The following CDC40 variants were observed in gnomAD, a reference collection of about 807,000 sequenced individuals.
CDC40 encodes pre-mRNA-processing factor 17.
Under a neutral mutation model 80.6 loss-of-function variants are expected in CDC40, and 27 were observed. The ratio of observed to expected loss-of-function variants is 0.33; its 90% confidence interval spans 0.25 to 0.46. The LOEUF (loss-of-function observed/expected upper bound fraction) is 0.46, where lower values mean the gene tolerates loss of function less well. CDC40 is among the 20% of genes least tolerant of loss of function. The pLI, the probability that CDC40 is intolerant of heterozygous loss-of-function variation, is 1.00. For synonymous variants in CDC40, 221 were observed against 232.6 expected, an observed-to-expected ratio of 0.95 and a Z score of 0.45; for missense variants, 486 against 694.1, an observed-to-expected ratio of 0.70 and a Z score of 3.37.
chr6:110,210,552 G>GAAAA (rs57785109), intron 5 of CDC40, among the ~76,000 whole-genome samples, 155 bp from the exon 6 acceptor site: 4 of 64,478 alleles, frequency 6.2e-5, no homozygotes, highest in African/African-American at 9.4e-5. Context: ...ACTCATCTCA[G>GAAAA]AAAAAAAAAA....
At chr6:110,229,909 T>G in intron 14 of CDC40, 45 bp from the exon 15 acceptor site, 1 of 1,326,574 alleles carries the variant, frequency 7.5e-7, no homozygotes, top group African/African-American at 1.5e-5. Context: ...CCTTACCAAT[T>G]TAAGGTATTT....
At chr6:110,197,101 T>A (rs1406366077) in intron 2 of CDC40, among the ~76,000 whole-genome samples, 1 of 152,178 alleles carries the variant, frequency 6.6e-6, no homozygotes, top group Non-Finnish European at 1.5e-5. Flanking sequence ...TGAAGATTTT[T>A]GAGATCCACA....
chr6:110,197,904 A>C (rs184447165), intron 2 of CDC40, among the ~76,000 whole-genome samples: 188 of 152,258 alleles, frequency 1.2e-3, no homozygotes, highest in African/African-American at 4.3e-3. Context: ...TCCTTTGGAC[A>C]TATACCCACT....
At chr6:110,222,367 G>C (rs777736374) in intron 12 of CDC40, among the ~76,000 whole-genome samples, 11 of 152,104 alleles carry the variant, frequency 7.2e-5, no homozygotes, top group Non-Finnish European at 1.6e-4. Context: ...GGCCAGCCTG[G>C]CCAACATGGT....
chr6:110,226,242 T>C lies in CDC40; in HGVS notation c.1416T>C (p.Asn472=), dbSNP rs1469507737. The change falls in exon 13 of 15, where the codon AAT becomes AAC. Residue 472 remains asparagine, a splice_region_variant and synonymous_variant. Transcript: ENST00000307731. The part of the protein sequence containing the change: ...HSMPAVTLSP[N]GKWLACQSMD... ...TGCCTGCAGTGACTTTGTCTCCAAA[T>C]GGTGAGTTAGTATGTAGATTGTATT... 6.4e-7 allele frequency: 1 copy of C among 1,574,488 alleles called. No homozygotes were observed. Among genetic ancestry groups the C allele is most frequent in the Non-Finnish European group, 8.7e-7 (1 of 1,145,090 alleles).
chr6:110,200,877 C>T (rs547999938), intron 2 of CDC40, among the ~76,000 whole-genome samples: 1 of 152,264 alleles, frequency 6.6e-6, no homozygotes, highest in East Asian at 1.9e-4. Context: ...TAATTTGGCA[C>T]TATTCGGTAT....
Position 110,217,815 on chromosome 6 carries a change from C to T in CDC40, c.1090+12C>T. ...GGACACTGAGACAGGTAAGAGTTCA[C>T]TTATGCTAATACACATTCATCTTAC... On this transcript the variant is annotated intron_variant, in intron 10 of 14. Transcript: ENST00000307731. The T allele has an allele frequency of 7.8e-7, 1 of 1,287,370 alleles. No individual in the cohort carries two copies. Among genetic ancestry groups the T allele is most frequent in the Non-Finnish European group, 1.1e-6 (1 of 882,920 alleles). The allele number at this position is 1,287,370 out of a possible 1,614,324, so 79.7% of individuals were successfully genotyped here.
rs1001818637 is a variant in CDC40 at position 110,206,142 on chromosome 6, T to TTG, written c.407-1351_407-1350dup. 6.6e-5 allele frequency among the ~76,000 whole-genome samples: 10 copies of TTG among 152,088 alleles called. No individual in the cohort carries two copies. In the East Asian group the frequency reaches 1.2e-3, roughly 18 times the overall value. ...AAGAAGTTCCCTATATTCTGTTTTTTTGTGTGTGTGTGTGAGATGGAGTCT... is the reference window on the plus strand; with the variant it reads ...AAGAAGTTCCCTATATTCTGTTTTTTTGTGTGTGTGTGTGTGAGATGGAGTCT... On this transcript the variant is annotated intron_variant, in intron 3 of 14. Coordinates refer to ENST00000307731, the MANE Select transcript of CDC40 (RefSeq NM_015891.3).
At chr6:110,224,136 A>G (rs1777818409) in intron 12 of CDC40, among the ~76,000 whole-genome samples, 1 of 151,876 alleles carries the variant, frequency 6.6e-6, no homozygotes, top group Admixed American at 6.6e-5. Context: ...TGGTATTTTA[A>G]TCGACCAAAT....
chr6:110,217,414 A>G (rs1425278354), intron 9 of CDC40, among the ~76,000 whole-genome samples: 1 of 151,976 alleles, frequency 6.6e-6, no homozygotes, highest in Non-Finnish European at 1.5e-5. Flanking sequence ...AGTAATTGCT[A>G]TGGCAGACTT....
chr6:110,194,104 T>C (rs904433249), intron 2 of CDC40, among the ~76,000 whole-genome samples: 5 of 152,272 alleles, frequency 3.3e-5, no homozygotes, highest in Admixed American at 2.0e-4. Context: ...ACCGCAAATA[T>C]TGTTCATTTA....
chr6:110,219,954 C>A, intron 12 of CDC40, 85 bp downstream of exon 12: 1 of 1,289,580 alleles, frequency 7.8e-7, no homozygotes, highest in Non-Finnish European at 1.1e-6. Context: ...TGATAATATG[C>A]AACCATTTGA....
At chr6:110,185,449 AG>A (rs1158282175) in intron 1 of CDC40, among the ~76,000 whole-genome samples, 2 of 151,180 alleles carry the variant, frequency 1.3e-5, no homozygotes, top group African/African-American at 4.9e-5. Flanking sequence ...TCACCGTTTT[AG>A]CCGGGATGGT....
intron 1 of CDC40, among the ~76,000 whole-genome samples, chr6:110,185,987 A>G (rs1329256034): frequency 1.3e-5 from 2 of 152,174 alleles, no homozygotes; most frequent in African/African-American, 4.8e-5. Flanking sequence ...AGCACATTCG[A>G]TCAGTACTTT....
chr6:110,182,807 A>G (rs1266462785), intron 1 of CDC40, among the ~76,000 whole-genome samples: 1 of 152,132 alleles, frequency 6.6e-6, no homozygotes, highest in African/African-American at 2.4e-5. Flanking sequence ...GTAGCCTTCT[A>G]ACTGATCTTT....
At chr6:110,186,007 C>T (rs1418625138) in intron 1 of CDC40, among the ~76,000 whole-genome samples, 1 of 152,188 alleles carries the variant, frequency 6.6e-6, no homozygotes, top group African/African-American at 2.4e-5. Context: ...TCACCTTCTA[C>T]TGAGCAATGC....
intron 12 of CDC40, among the ~76,000 whole-genome samples, chr6:110,221,379 G>A (rs998895133): frequency 4.6e-5 from 7 of 152,136 alleles, no homozygotes; most frequent in African/African-American, 1.7e-4. Context: ...CCATTGTCAG[G>A]ACAATCTGGG....
chr6:110,228,111 G>C (rs553419924), intron 13 of CDC40, among the ~76,000 whole-genome samples: 1 of 152,284 alleles, frequency 6.6e-6, no homozygotes, highest in African/African-American at 2.4e-5. Flanking sequence ...GCATGTTGCT[G>C]TTCTGAATAA....
At position 110,183,033 on chromosome 6, in the gene CDC40, C is replaced by A. The variant is rs139674768; in HGVS notation, c.189+2400C>A. On this transcript the variant is annotated intron_variant, in intron 1 of 14. Coordinates refer to ENST00000307731, the MANE Select transcript of CDC40 (RefSeq NM_015891.3). ...TACAAAGCCCTGAAAGCCGAATTTT[C>A]TTTCTTCCTCTGAAGATTTTGCCCA... Among the ~76,000 whole-genome samples, 245 of 152,288 alleles carry A rather than the reference C, an allele frequency of 1.6e-3. 2 individuals are homozygous for A. The highest frequency in any genetic ancestry group is 5.7e-3 in the African/African-American group (238 of 41,570).
Sources: allele counts gnomAD v4.1 joint callset (sites outside exome capture counted in the v4.1 genomes callset), GRCh38; gene constraint gnomAD v4.1.1; transcripts MANE v1.5; gene names NCBI Gene and HGNC (gene_info 2026-07-23, HGNC 2026-07-21).